KPNA3: variants seen among roughly 807,000 people sequenced by gnomAD.
KPNA3 encodes karyopherin subunit alpha 3.
KPNA3 carries 13 observed loss-of-function variants against 73.8 expected under a neutral mutation model. The observed-to-expected ratio is 0.18, with a 90% CI of 0.11 to 0.28. KPNA3 has a LOEUF of 0.28. Ranked by LOEUF, KPNA3 falls within the 10% of genes least tolerant of loss-of-function variation. The probability of loss-of-function intolerance (pLI) is 1.00; values close to 1 mark genes in which losing one functional copy is unlikely to be tolerated. For synonymous variants in KPNA3, 186 were observed against 206.9 expected (o/e 0.90, Z 0.87); for missense variants, 360 against 618.1 (o/e 0.58, Z 4.43).
intron 7 of KPNA3, 136 bp from the exon 8 acceptor site, chr13:49,722,699 TA>T: frequency 3.7e-6 from 2 of 547,610 alleles, no homozygotes; most frequent in Admixed American, 6.9e-5. Context: ...ATCTTTACCC[TA>T]AAAAGAATCA....
At chr13:49,790,699 C>T (rs963280659) in intron 1 of KPNA3, among the ~76,000 whole-genome samples, 1 of 152,076 alleles carries the variant, frequency 6.6e-6, no homozygotes, top group Non-Finnish European at 1.5e-5. Flanking sequence ...CTAAAAGTCA[C>T]GGGTTACATT....
intron 10 of KPNA3, among the ~76,000 whole-genome samples, chr13:49,717,582 C>G (rs1183046332): frequency 1.3e-5 from 2 of 152,032 alleles, no homozygotes; most frequent in Non-Finnish European, 2.9e-5. Flanking sequence ...AAATGACTTT[C>G]TCTCAACCTG....
At chr13:49,749,940 ACTCCCTTATATT>A (rs776291890) in intron 1 of KPNA3, among the ~76,000 whole-genome samples, 6 of 152,006 alleles carry the variant, frequency 3.9e-5, no homozygotes, top group African/African-American at 4.8e-5. Context: ...AAAAAGATGG[ACTCCCTTATATT>A]CTCCCTTATA....
chr13:49,753,413 A>ACTGTTAT (rs1404039406), intron 1 of KPNA3, among the ~76,000 whole-genome samples: 2 of 152,210 alleles, frequency 1.3e-5, no homozygotes, highest in African/African-American at 4.8e-5. Context: ...TGGCAAAACA[A>ACTGTTAT]CTGTTATAAA....
intron 7 of KPNA3, among the ~76,000 whole-genome samples, chr13:49,724,655 T>C (rs993020174): frequency 6.6e-6 from 1 of 151,304 alleles, no homozygotes; most frequent in Non-Finnish European, 1.5e-5. Flanking sequence ...TGGAATGCAG[T>C]GTGCAGTCTC....
chr13:49,757,913 G>C (rs1359770493), intron 1 of KPNA3, among the ~76,000 whole-genome samples: 1 of 152,056 alleles, frequency 6.6e-6, no homozygotes, highest in African/African-American at 2.4e-5. Context: ...GTTACCACTG[G>C]GGAAACTGGA....
At chr13:49,736,497 T>C (rs1954522408) in intron 2 of KPNA3, among the ~76,000 whole-genome samples, 1 of 152,208 alleles carries the variant, frequency 6.6e-6, no homozygotes, top group Admixed American at 6.5e-5. Context: ...AGACTTTTTT[T>C]GGTAACTGAA....
chr13:49,742,856 C>T (rs1369937564), intron 2 of KPNA3, among the ~76,000 whole-genome samples: 1 of 152,130 alleles, frequency 6.6e-6, no homozygotes, highest in Non-Finnish European at 1.5e-5. Context: ...TTTTGAGTAG[C>T]ACGGCCTATA....
chr13:49,762,470 T>A (rs1490608579), intron 1 of KPNA3, among the ~76,000 whole-genome samples: 1 of 152,206 alleles, frequency 6.6e-6, no homozygotes, highest in African/African-American at 2.4e-5. Context: ...TGTTGCTGTG[T>A]CTGTGTAGAA....
At chr13:49,707,265 T>C (rs755301035) in intron 12 of KPNA3, among the ~76,000 whole-genome samples, 15 of 152,222 alleles carry the variant, frequency 9.9e-5, no homozygotes, top group Non-Finnish European at 1.6e-4. Flanking sequence ...GTTTACAGGT[T>C]AGTATCACAT....
chr13:49,729,767 G>A (rs1346074649), intron 6 of KPNA3, among the ~76,000 whole-genome samples: 1 of 152,150 alleles, frequency 6.6e-6, no homozygotes, highest in Non-Finnish European at 1.5e-5. Context: ...GCAACAGAGC[G>A]AGACTCGGTC....
chr13:49,740,335 T>C (rs956260713), intron 2 of KPNA3, among the ~76,000 whole-genome samples: 7 of 152,174 alleles, frequency 4.6e-5, no homozygotes, highest in African/African-American at 9.7e-5. Context: ...CTGTCAGTGA[T>C]TTTTCAAGAA....
intron 2 of KPNA3, among the ~76,000 whole-genome samples, chr13:49,736,734 T>C (rs1284878375): frequency 6.6e-6 from 1 of 152,196 alleles, no homozygotes; most frequent in Admixed American, 6.5e-5. Context: ...TTTTATCACC[T>C]GTATAGATTC....
intron 1 of KPNA3, among the ~76,000 whole-genome samples, chr13:49,761,734 T>C (rs1405330932): frequency 5.7e-5 from 8 of 139,986 alleles, no homozygotes; most frequent in African/African-American, 2.2e-4. Context: ...TCTGCCCGGC[T>C]GCCCAGTCTG....
At chr13:49,786,715 C>T (rs1954985381) in intron 1 of KPNA3, among the ~76,000 whole-genome samples, 1 of 152,012 alleles carries the variant, frequency 6.6e-6, no homozygotes, top group South Asian at 2.1e-4. Flanking sequence ...TCACAGCTGG[C>T]ACAAAGGAGA....
intron 2 of KPNA3, among the ~76,000 whole-genome samples, chr13:49,743,461 T>A (rs1360698402): frequency 6.6e-6 from 1 of 152,176 alleles, no homozygotes; most frequent in Non-Finnish European, 1.5e-5. Flanking sequence ...ACTTGGGGAA[T>A]TCTTAAACTT....
chr13:49,773,948 C>T (rs1200344557), intron 1 of KPNA3, among the ~76,000 whole-genome samples: 1 of 152,192 alleles, frequency 6.6e-6, no homozygotes, highest in Non-Finnish European at 1.5e-5. Flanking sequence ...CTCTGTCACC[C>T]AGTCTGGAAT....
intron 1 of KPNA3, 35 bp downstream of exon 1, chr13:49,792,403 G>A (rs772912508): frequency 1.6e-5 from 24 of 1,489,832 alleles, no homozygotes; most frequent in Non-Finnish European, 2.0e-5. Flanking sequence ...GGGCCGGCGC[G>A]GCCAGGCGGG....
At position 49,722,200 on chromosome 13, in the gene KPNA3, T is replaced by C. The variant is rs1022490467; in HGVS notation, c.557-76A>G. ...AGTCTGAAATGTATGCAATGGCTCA[T>C]GTGGGAACACTGACGTTCTATGTTT... On this transcript the variant is annotated intron_variant, in intron 8 of 16. Transcript: ENST00000261667. 7 of 987,468 alleles carry C rather than the reference T, an allele frequency of 7.1e-6. No individual in the cohort carries two copies. The South Asian group carries it at 1.1e-4, about 15-fold the overall frequency. 61.2% of individuals were successfully genotyped at this position (987,468 alleles called of 1,614,324 possible).
Sources: gnomAD v4.1 joint callset for allele counts (sites outside exome capture counted in the v4.1 genomes callset) on GRCh38, gnomAD v4.1.1 for gene constraint, MANE v1.5 for transcripts, NCBI Gene and HGNC (gene_info 2026-07-23, HGNC 2026-07-21) for gene names.